Variants in CCDC170 observed in about 807,000 individuals in gnomAD.
CCDC170 encodes coiled-coil domain-containing protein 170.
Under a neutral mutation model 72.6 loss-of-function variants are expected in CCDC170, and 69 were observed. The ratio of observed to expected loss-of-function variants is 0.95; its 90% CI spans 0.78 to 1.16. The LOEUF is 1.16. Ranked by LOEUF, CCDC170 falls within the 50% of genes most tolerant of loss-of-function variation. The pLI is 0.00. For missense variants in CCDC170, 852 were observed against 832.5 expected (o/e 1.02, Z -0.29); for synonymous variants, 300 against 303.9 (o/e 0.99, Z 0.13).
chr6:151,528,685 A>G (rs1276242774), intron 1 of CCDC170, among the ~76,000 whole-genome samples: 2 of 152,134 alleles, frequency 1.3e-5, no homozygotes, highest in African/African-American at 4.8e-5. Flanking sequence ...TAAAAATACA[A>G]AAATTAGCCA....
intron 5 of CCDC170, among the ~76,000 whole-genome samples, chr6:151,557,179 C>T (rs531076173): frequency 3.3e-5 from 5 of 152,028 alleles, no homozygotes; most frequent in South Asian, 4.2e-4. Flanking sequence ...GAGGCCAAGG[C>T]GGGTGGATCA....
chr6:151,496,530 C>T (rs1035455844), intron 1 of CCDC170, among the ~76,000 whole-genome samples: 2 of 152,086 alleles, frequency 1.3e-5, no homozygotes, highest in African/African-American at 2.4e-5. Flanking sequence ...TTTAGATAGG[C>T]GGGGCAGAAA....
chr6:151,548,799 A>C (rs544027561), intron 5 of CCDC170, among the ~76,000 whole-genome samples: 1 of 152,186 alleles, frequency 6.6e-6, no homozygotes, highest in South Asian at 2.1e-4. Context: ...GACTCACTGC[A>C]ACTTCCGCCT....
chr6:151,565,648 C>T (rs987510526), intron 5 of CCDC170, among the ~76,000 whole-genome samples: 2 of 152,154 alleles, frequency 1.3e-5, no homozygotes, highest in African/African-American at 4.8e-5. Flanking sequence ...CTGATAGATG[C>T]CTCTAGTCCA....
intron 5 of CCDC170, among the ~76,000 whole-genome samples, chr6:151,567,836 C>T (rs550879663): frequency 3.9e-5 from 6 of 151,978 alleles, no homozygotes; most frequent in East Asian, 2.0e-4. Flanking sequence ...AGGCTGGGCG[C>T]GGTGGCTCAC....
chr6:151,529,440 C>T (rs146887226), intron 1 of CCDC170, among the ~76,000 whole-genome samples: 1,653 of 152,178 alleles, frequency 0.011, 31 homozygotes, highest in African/African-American at 0.038. Flanking sequence ...GGGAGGATCA[C>T]GAGGTCAAGA....
chr6:151,544,833 T>C (rs931534189), intron 4 of CCDC170, 117 bp downstream of exon 4: 1 of 924,014 alleles, frequency 1.1e-6, no homozygotes, highest in African/African-American at 1.6e-5. Flanking sequence ...GTAGACCAAG[T>C]GTAGTATTAA....
intron 5 of CCDC170, among the ~76,000 whole-genome samples, chr6:151,572,098 T>C (rs1583031829): frequency 6.6e-6 from 1 of 152,004 alleles, no homozygotes; most frequent in African/African-American, 2.4e-5. Flanking sequence ...AAGCAATCTT[T>C]TGTCTCGATC....
At chr6:151,528,476 C>A in intron 1 of CCDC170, among the ~76,000 whole-genome samples, 1 of 152,140 alleles carries the variant, frequency 6.6e-6, no homozygotes, top group Admixed American at 6.5e-5. Flanking sequence ...TTTGTCTGTC[C>A]TTGTCTCTTT....
intron 9 of CCDC170, 89 bp downstream of exon 9, chr6:151,596,666 C>A: frequency 6.6e-7 from 1 of 1,515,208 alleles, no homozygotes; most frequent in East Asian, 2.3e-5. Context: ...CGGGACACGC[C>A]AGAAGAAGAA....
chr6:151,560,332 A>G (rs1783056436), intron 5 of CCDC170, among the ~76,000 whole-genome samples: 1 of 152,108 alleles, frequency 6.6e-6, no homozygotes, highest in African/African-American at 2.4e-5. Context: ...GATGCTTGAT[A>G]TGATTTAGTT....
intron 9 of CCDC170, among the ~76,000 whole-genome samples, chr6:151,598,080 A>C (rs1288402865): frequency 1.3e-5 from 2 of 152,110 alleles, no homozygotes; most frequent in Admixed American, 6.5e-5. Flanking sequence ...ACTTCCTTGG[A>C]GAAGGGGAGA....
At chr6:151,614,404 G>C (rs75859313) in intron 9 of CCDC170, among the ~76,000 whole-genome samples, 56,781 of 151,902 alleles carry the variant, frequency 0.37, 11,340 homozygotes, top group African/African-American at 0.51. Context: ...TTTTACTTAG[G>C]ATGTTTTCAA....
chr6:151,580,102 G>C (rs1275385128), intron 6 of CCDC170, among the ~76,000 whole-genome samples: 1 of 152,118 alleles, frequency 6.6e-6, no homozygotes, highest in Non-Finnish European at 1.5e-5. Context: ...CTTCAGAATG[G>C]AGACCATACT....
At chr6:151,617,924 T>A (rs373994243) in intron 10 of CCDC170, 23 bp from the exon 11 acceptor site, 2 of 1,602,730 alleles carry the variant, frequency 1.2e-6, no homozygotes, top group African/African-American at 2.7e-5. Context: ...TCCCAGTTAA[T>A]GAGTTTCTGT....
chr6:151,556,446 C>T lies in CCDC170; in HGVS notation c.774+7957C>T, dbSNP rs140610226. ...CTCTAGCCTGGGCGACAAAGCGAGA[C>T]CCTGTCTCAAAACAAAATCAAACAA... On this transcript the variant is annotated intron_variant, in intron 5 of 10. Transcript: ENST00000239374. 2.7e-4 allele frequency among the ~76,000 whole-genome samples: 41 copies of T among 152,302 alleles called. No homozygotes were observed. The East Asian group carries it at 7.7e-3, about 29-fold the overall frequency.
At chr6:151,537,998 T>G (rs761595897) in intron 2 of CCDC170, 47 bp from the exon 3 acceptor site, 3 of 1,540,256 alleles carry the variant, frequency 1.9e-6, no homozygotes, top group Non-Finnish European at 2.6e-6. Context: ...TAATTCAAAC[T>G]TATGTTGTTA....
At chr6:151,534,956 C>T (rs780028187) in intron 1 of CCDC170, among the ~76,000 whole-genome samples, 1 of 152,128 alleles carries the variant, frequency 6.6e-6, no homozygotes, top group East Asian at 1.9e-4. Context: ...TCTTCTGTGT[C>T]TTTCACAAAG....
intron 6 of CCDC170, among the ~76,000 whole-genome samples, chr6:151,574,375 TG>T (rs1165189161): frequency 6.6e-6 from 1 of 152,180 alleles, no homozygotes; most frequent in African/African-American, 2.4e-5. Flanking sequence ...CATGTGAGCT[TG>T]GGTAGGTTCT....
Sources: allele counts gnomAD v4.1 joint callset (sites outside exome capture counted in the v4.1 genomes callset), GRCh38; gene constraint gnomAD v4.1.1; transcripts MANE v1.5; gene names NCBI Gene and HGNC (gene_info 2026-07-23, HGNC 2026-07-21).